PRKX: variants seen among roughly 807,000 people sequenced by gnomAD.
PRKX encodes the protein cAMP-dependent protein kinase catalytic subunit PRKX.
Under a neutral mutation model 22.0 loss-of-function variants are expected in PRKX, and 12 were observed. That is an observed-to-expected ratio of 0.54 (90% CI 0.35 to 0.88). The LOEUF is 0.88. Ranked by LOEUF, PRKX falls within the 40% of genes least tolerant of loss-of-function variation. The pLI, the probability that PRKX is intolerant of heterozygous loss-of-function variation, is 0.01. For missense variants in PRKX, 217 were observed against 308.0 expected, an observed-to-expected ratio of 0.70 and a Z score of 2.21; for synonymous variants, 134 against 137.7, an observed-to-expected ratio of 0.97 and a Z score of 0.19.
intron 1 of PRKX, among the ~76,000 whole-genome samples, chrX:3,694,889 G>C (rs1306848501): frequency 9.0e-6 from 1 of 111,715 alleles, no homozygotes; most frequent in Non-Finnish European, 1.9e-5. Flanking sequence ...GGAGCCGGGA[G>C]AGGCAGGAAG....
intron 2 of PRKX, among the ~76,000 whole-genome samples, chrX:3,661,295 C>T (rs1420073525): frequency 8.9e-6 from 1 of 111,791 alleles, no homozygotes; most frequent in African/African-American, 3.3e-5. Context: ...ACACATCCTT[C>T]CTTCAAATCT....
intron 3 of PRKX, among the ~76,000 whole-genome samples, chrX:3,650,476 G>T (rs769472890): frequency 1.3e-5 from 1 of 79,191 alleles, no homozygotes; most frequent in Non-Finnish European, 2.2e-5. Context: ...AGCCGAGATC[G>T]CACCACTGCA....
Position 3,609,479 on chromosome X carries a change from T to A in PRKX, c.*24-534A>T, listed in dbSNP as rs748433568. ...CCCAGCCCTGTTTTCATTTTTGAGA[T>A]GAGGTCTAACTCTGCCATCCAGGCC... On this transcript the variant is annotated intron_variant, in intron 8 of 8. Transcript: ENST00000262848. Among the ~76,000 whole-genome samples, 111 of 110,322 alleles carry A rather than the reference T, an allele frequency of 1.0e-3. 1 individual carries two copies. Among genetic ancestry groups the A allele is most frequent in the African/African-American group, 3.4e-3 (103 of 30,391 alleles).
chrX:3,630,733 C>A (rs1926763503), intron 4 of PRKX, among the ~76,000 whole-genome samples: 1 of 111,149 alleles, frequency 9.0e-6, no homozygotes, highest in Non-Finnish European at 1.9e-5. Context: ...TTAAAACCAT[C>A]AGATCTCCTG....
chrX:3,700,842 C>T (rs1005295317), intron 1 of PRKX, among the ~76,000 whole-genome samples: 1 of 111,362 alleles, frequency 9.0e-6, no homozygotes, highest in African/African-American at 3.3e-5. Flanking sequence ...TCAAGCGCTC[C>T]ACCCACCTCA....
At chrX:3,668,136 A>G (rs1031294190) in intron 2 of PRKX, 1 of 111,535 alleles carries the variant, frequency 9.0e-6, no homozygotes, top group Non-Finnish European at 1.9e-5. Context: ...CTTTTCATAC[A>G]TAGAAAAAGG....
At chrX:3,628,868 C>T (rs1235808121) in intron 4 of PRKX, among the ~76,000 whole-genome samples, 2 of 111,004 alleles carry the variant, frequency 1.8e-5, no homozygotes, top group Non-Finnish European at 1.9e-5. Flanking sequence ...TGGTGAAACC[C>T]GTCTCTACTA....
At chrX:3,676,017 C>G (rs1927946502) in intron 1 of PRKX, among the ~76,000 whole-genome samples, 2 of 111,554 alleles carry the variant, frequency 1.8e-5, no homozygotes, top group African/African-American at 6.5e-5. Context: ...AGTGCTGGGA[C>G]TACAGGCATG....
chrX:3,686,184 C>T (rs1448531335), intron 1 of PRKX, among the ~76,000 whole-genome samples: 1 of 111,821 alleles, frequency 8.9e-6, no homozygotes, highest in African/African-American at 3.3e-5. Flanking sequence ...AATCAAGGAT[C>T]TCACACCAGT....
rs1392601905 is a variant in PRKX at position 3,608,609 on chromosome X, ACACACACACACAC to A, written c.*347_*359del. 4.2e-5 allele frequency: 3 copies of A among 71,744 alleles called. No homozygotes were observed. Among genetic ancestry groups the A allele is most frequent in the African/African-American group, 6.0e-5 (1 of 16,586 alleles). 5.9% of individuals were successfully genotyped at this position (71,744 alleles called of 1,213,427 possible). A position where few individuals can be genotyped will look rare whatever the true frequency, so the allele number is the denominator to read the frequency against. On this transcript the variant is annotated 3_prime_UTR_variant, in exon 9 of 9. Coordinates refer to ENST00000262848, the MANE Select transcript of PRKX (RefSeq NM_005044.5). ...CACACACACACACACACACACACACACACACACACACACAATTTGTGGTTATAATCGAACAAGT... is the reference window on the plus strand; with the variant it reads ...CACACACACACACACACACACACACAAATTTGTGGTTATAATCGAACAAGT...
rs1295251247 is a variant in PRKX, at chrX:3,607,213, T to G, written c.*1756A>C. On this transcript the variant is annotated 3_prime_UTR_variant, in exon 9 of 9. Coordinates refer to ENST00000262848, the MANE Select transcript of PRKX (RefSeq NM_005044.5). ...AGCAAACATGAGACTTAAAAGCTTT[T>G]CCTTCTAGCTCCACATGTCGGTGCA... The G allele has an allele frequency of 1.8e-5, 2 of 112,178 alleles. No homozygotes were observed. Among genetic ancestry groups the G allele is most frequent in the Non-Finnish European group, 3.8e-5 (2 of 53,299 alleles). 9.2% of individuals were successfully genotyped at this position (112,178 alleles called of 1,213,427 possible). A position where few individuals can be genotyped will look rare whatever the true frequency, so the allele number is the denominator to read the frequency against.
At chrX:3,683,060 G>A (rs1042046071) in intron 1 of PRKX, among the ~76,000 whole-genome samples, 3 of 111,844 alleles carry the variant, frequency 2.7e-5, no homozygotes, top group African/African-American at 9.7e-5. Context: ...AGCTGGGAGA[G>A]GCAGGAAGGA....
At chrX:3,658,441 C>T (rs1173538615) in intron 2 of PRKX, among the ~76,000 whole-genome samples, 5 of 110,852 alleles carry the variant, frequency 4.5e-5, no homozygotes, top group Non-Finnish European at 9.5e-5. Flanking sequence ...TGCCACCATG[C>T]CTGGCTAATT....
intron 6 of PRKX, among the ~76,000 whole-genome samples, chrX:3,618,477 T>A (rs1926485861): frequency 1.1e-5 from 1 of 88,562 alleles, no homozygotes; most frequent in African/African-American, 4.2e-5. Flanking sequence ...TTCTTAGATC[T>A]TAAGTGTTCT....
intron 6 of PRKX, among the ~76,000 whole-genome samples, chrX:3,619,373 A>G (rs1231047418): frequency 1.8e-5 from 2 of 109,103 alleles, no homozygotes; most frequent in African/African-American, 6.7e-5. Context: ...ATTATCACAC[A>G]TTGGGCAGTG....
chrX:3,607,907 G>T lies in PRKX; in HGVS notation c.*1062C>A, dbSNP rs1414648925. The T allele has an allele frequency of 3.2e-5, 3 of 95,181 alleles. No homozygotes were observed. The highest frequency in any genetic ancestry group is 5.6e-4 in the South Asian group (1 of 1,796). The allele number at this position is 95,181 out of a possible 1,213,427, so 7.8% of individuals were successfully genotyped here. A position where few individuals can be genotyped will look rare whatever the true frequency, so the allele number is the denominator to read the frequency against. On this transcript the variant is annotated 3_prime_UTR_variant, in exon 9 of 9. Coordinates refer to ENST00000262848, the MANE Select transcript of PRKX (RefSeq NM_005044.5). ...TTTTTTTTTTTTTTTTTTGGACAGG[G>T]TCTCACTCTGTCACCCAGGCTGGAA...
intron 7 of PRKX, among the ~76,000 whole-genome samples, chrX:3,613,883 A>AAAAAAAAAAAAAAAAAAAAG: frequency 1.0e-5 from 1 of 97,556 alleles, no homozygotes; most frequent in South Asian, 5.2e-4. Flanking sequence ...AAAAAAAAGA[A>AAAAAAAAAAAAAAAAAAAAG]GCGTATCATC....
At chrX:3,669,007 C>T (rs1272975043) in intron 2 of PRKX, among the ~76,000 whole-genome samples, 1 of 112,592 alleles carries the variant, frequency 8.9e-6, no homozygotes, top group Non-Finnish European at 1.9e-5. Context: ...AGCCCAGAGA[C>T]ATTGCTCAGC....
At chrX:3,692,088 G>A (rs1318625354) in intron 1 of PRKX, among the ~76,000 whole-genome samples, 2 of 104,584 alleles carry the variant, frequency 1.9e-5, no homozygotes, top group East Asian at 3.0e-4. Context: ...GATGGGTGGA[G>A]GGGGGAGGGA....
Sources: gnomAD v4.1 joint callset for allele counts (sites outside exome capture counted in the v4.1 genomes callset) on GRCh38, gnomAD v4.1.1 for gene constraint, MANE v1.5 for transcripts, NCBI Gene and HGNC (gene_info 2026-07-23, HGNC 2026-07-21) for gene names.